The following CCSER1 variants were observed in gnomAD, a reference collection of about 807,000 sequenced individuals.
CCSER1 encodes serine-rich coiled-coil domain-containing protein 1.
A neutral mutation model predicts 82.0 loss-of-function variants in CCSER1; 41 were observed. The observed-to-expected ratio is 0.50, with a 90% CI of 0.39 to 0.65. The LOEUF (loss-of-function observed/expected upper bound fraction) is 0.65, where lower values mean the gene tolerates loss of function less well. CCSER1 is among the 30% of genes least tolerant of loss of function. CCSER1 has a pLI of 0.00. For synonymous variants in CCSER1, 414 were observed against 383.9 expected (o/e 1.08, Z -0.92); for missense variants, 1,119 against 1,064.2 (o/e 1.05, Z -0.72).
chr4:90,623,049 A>G (rs1722628821), intron 5 of CCSER1, among the ~76,000 whole-genome samples: 1 of 118,002 alleles, frequency 8.5e-6, no homozygotes, highest in Middle Eastern at 5.8e-3. Flanking sequence ...TTTTTTTGAG[A>G]CGGAGCCTCC....
chr4:91,401,025 A>G (rs1473419653), intron 10 of CCSER1, among the ~76,000 whole-genome samples: 1 of 151,870 alleles, frequency 6.6e-6, no homozygotes, highest in Non-Finnish European at 1.5e-5. Flanking sequence ...TTCTAATTCA[A>G]TCATCTGTTT....
intron 10 of CCSER1, among the ~76,000 whole-genome samples, chr4:91,198,669 A>G (rs1735652766): frequency 6.6e-6 from 1 of 152,174 alleles, no homozygotes. Context: ...GTCAGGGGAT[A>G]CATATAGTAC....
chr4:90,238,195 T>TCA (rs1746151362), intron 1 of CCSER1, among the ~76,000 whole-genome samples: 3 of 152,172 alleles, frequency 2.0e-5, no homozygotes, highest in Admixed American at 2.0e-4. Flanking sequence ...CCTTGTACCT[T>TCA]ATATAACTTC....
At position 90,547,547 on chromosome 4, in the gene CCSER1, G is replaced by A. The variant is rs921720887; in HGVS notation, c.1724+79193G>A. ...TTATGGACTAGGTAAACTTAAACAC[G>A]TATCATTCCTGAGAAAGGAGAAAAA... On this transcript the variant is annotated intron_variant, in intron 5 of 10. Transcript: ENST00000509176. 7.3e-5 allele frequency among the ~76,000 whole-genome samples: 11 copies of A among 151,508 alleles called. No homozygotes were observed. In the East Asian group the frequency reaches 1.4e-3, roughly 19 times the overall value.
chr4:90,156,371 T>A (rs115709735), intron 1 of CCSER1, among the ~76,000 whole-genome samples: 16,668 of 152,202 alleles, frequency 0.11, 1,133 homozygotes, highest in East Asian at 0.36. Context: ...TGGAGAGGTC[T>A]GTAGATTTCT....
intron 8 of CCSER1, among the ~76,000 whole-genome samples, chr4:90,841,159 T>C (rs1762519329): frequency 6.6e-6 from 1 of 152,174 alleles, no homozygotes; most frequent in African/African-American, 2.4e-5. Flanking sequence ...AGCTTGAGAA[T>C]GGCATGTCTT....
chr4:90,886,965 A>G (rs776766999), intron 8 of CCSER1, among the ~76,000 whole-genome samples: 1 of 152,238 alleles, frequency 6.6e-6, no homozygotes, highest in African/African-American at 2.4e-5. Flanking sequence ...ACTTAGAAGA[A>G]GACCAATAGA....
Position 91,370,062 on chromosome 4 carries a change from CTAGT to C in CCSER1, c.2218-228509_2218-228506del, listed in dbSNP as rs1168089842. Among the ~76,000 whole-genome samples, 253 of 152,150 alleles carry C rather than the reference CTAGT, an allele frequency of 1.7e-3. 2 individuals carry two copies. The highest frequency in any genetic ancestry group is 5.4e-3 in the African/African-American group (223 of 41,542). Reference sequence around the variant, plus strand: ...TTATTGTGGTTTCTTAAAATTGATACTAGTCTATTTAACCATGTAGACCTTGTGC... The same window carrying C: ...TTATTGTGGTTTCTTAAAATTGATACCTATTTAACCATGTAGACCTTGTGC... On this transcript the variant is annotated intron_variant, in intron 10 of 10. Transcript: ENST00000509176.
chr4:91,265,690 A>T (rs17018296), intron 10 of CCSER1, among the ~76,000 whole-genome samples: 9,729 of 152,178 alleles, frequency 0.064, 365 homozygotes, highest in East Asian at 0.12. Context: ...TTGTATTGTT[A>T]TTAAGTGAAC....
At chr4:91,036,192 A>T (rs10002981) in intron 9 of CCSER1, among the ~76,000 whole-genome samples, 1 of 152,182 alleles carries the variant, frequency 6.6e-6, no homozygotes, top group African/African-American at 2.4e-5. Context: ...ATCCAACTGC[A>T]TAAGATACCA....
chr4:90,341,289 G>C (rs1321643408), intron 3 of CCSER1, among the ~76,000 whole-genome samples: 2 of 152,036 alleles, frequency 1.3e-5, no homozygotes, highest in African/African-American at 4.8e-5. Flanking sequence ...TCTTATGAGA[G>C]TTTTATTATC....
chr4:90,459,270 T>A (rs1331430831), intron 4 of CCSER1, among the ~76,000 whole-genome samples: 3 of 152,226 alleles, frequency 2.0e-5, no homozygotes, highest in Admixed American at 6.5e-5. Context: ...ACTGGACATC[T>A]GTCAGAGATA....
chr4:90,861,926 A>ATATAGATTTT (rs1486179354), intron 8 of CCSER1, among the ~76,000 whole-genome samples: 6 of 125,666 alleles, frequency 4.8e-5, no homozygotes, highest in African/African-American at 1.7e-4. Context: ...ATATATATAT[A>ATATAGATTTT]TTTTTTTTTT....
chr4:90,497,631 G>A (rs1011776672), intron 5 of CCSER1, among the ~76,000 whole-genome samples: 4 of 152,150 alleles, frequency 2.6e-5, no homozygotes, highest in African/African-American at 9.6e-5. Context: ...TATGTAACGT[G>A]ATAATAACCT....
intron 9 of CCSER1, among the ~76,000 whole-genome samples, chr4:90,929,057 T>C (rs1027407381): frequency 6.6e-6 from 1 of 152,118 alleles, no homozygotes. Context: ...GTTTGTTGCT[T>C]GCATTCACCC....
intron 1 of CCSER1, among the ~76,000 whole-genome samples, chr4:90,152,438 C>T (rs1404234351): frequency 2.6e-5 from 4 of 152,130 alleles, no homozygotes; most frequent in East Asian, 1.9e-4. Context: ...GCTTGATTTT[C>T]CCTGAGTATT....
chr4:90,483,260 G>C (rs1766388628), intron 5 of CCSER1, among the ~76,000 whole-genome samples: 1 of 152,122 alleles, frequency 6.6e-6, no homozygotes, highest in Admixed American at 6.5e-5. Flanking sequence ...TTGAGCCTAT[G>C]TGTGTCTCTG....
intron 10 of CCSER1, among the ~76,000 whole-genome samples, chr4:91,484,863 TCTTAC>T (rs1461320320): frequency 1.3e-5 from 2 of 152,212 alleles, no homozygotes; most frequent in African/African-American, 4.8e-5. Context: ...TGTCAACCAC[TCTTAC>T]CTAATCAAAA....
intron 9 of CCSER1, among the ~76,000 whole-genome samples, chr4:91,061,391 C>T (rs1373764894): frequency 6.6e-6 from 1 of 151,890 alleles, no homozygotes; most frequent in East Asian, 1.9e-4. Context: ...AGCTTTGGGT[C>T]CACTTCCCTA....
Sources: gnomAD v4.1 joint callset for allele counts (sites outside exome capture counted in the v4.1 genomes callset) on GRCh38, gnomAD v4.1.1 for gene constraint, MANE v1.5 for transcripts, NCBI Gene and HGNC (gene_info 2026-07-23, HGNC 2026-07-21) for gene names.